Variants in BCKDHB observed in about 807,000 individuals in gnomAD.
The protein encoded by BCKDHB is branched chain keto acid dehydrogenase E1 subunit beta.
BCKDHB carries 41 observed loss-of-function variants against 48.5 expected under a neutral mutation model. The ratio of observed to expected loss-of-function variants is 0.85; its 90% CI spans 0.66 to 1.10. BCKDHB has a LOEUF of 1.10. Among genes scored for constraint, BCKDHB ranks in the 50% least tolerant of loss-of-function variants. The pLI is 0.00. For synonymous variants in BCKDHB, 201 were observed against 174.8 expected (o/e 1.15, Z -1.18); for missense variants, 496 against 494.2 (o/e 1.00, Z -0.03).
chr6:80,201,170 T>A, intron 7 of BCKDHB, 139 bp downstream of exon 7: 1 of 745,298 alleles, frequency 1.3e-6, no homozygotes, highest in South Asian at 1.5e-5. Flanking sequence ...GCTAATTTCT[T>A]TTTTCCCTCA....
At chr6:80,310,642 G>T (rs1768106911) in intron 9 of BCKDHB, among the ~76,000 whole-genome samples, 1 of 152,114 alleles carries the variant, frequency 6.6e-6, no homozygotes. Flanking sequence ...TGGGTCAAAT[G>T]GTATTTCTGT....
intron 8 of BCKDHB, among the ~76,000 whole-genome samples, chr6:80,233,734 T>C (rs1472081830): frequency 6.6e-6 from 1 of 152,220 alleles, no homozygotes; most frequent in Non-Finnish European, 1.5e-5. Flanking sequence ...TTAGACTGAG[T>C]ACTCTTTCAC....
In BCKDHB at chr6:80,218,017, C is replaced by T. The variant is rs575454487; in HGVS notation, c.951+14805C>T. ...AGACATAGTGCATGGTACTATATTTCTCTGAGGCTTGAGTCAGCGCTGTGG... is the reference window on the plus strand; with the variant it reads ...AGACATAGTGCATGGTACTATATTTTTCTGAGGCTTGAGTCAGCGCTGTGG... On this transcript the variant is annotated intron_variant, in intron 8 of 9. Transcript: ENST00000320393. Among the ~76,000 whole-genome samples, 6 of 152,284 alleles carry T rather than the reference C, an allele frequency of 3.9e-5. No individual in the cohort carries two copies. The East Asian group carries it at 5.8e-4, about 15-fold the overall frequency.
At chr6:80,322,896 C>CTTTTTTTTTTTTTTTTTTTT (rs34177726) in intron 9 of BCKDHB, among the ~76,000 whole-genome samples, 21 of 115,538 alleles carry the variant, frequency 1.8e-4, no homozygotes, top group African/African-American at 2.3e-4. Context: ...TTTCTTTTTT[C>CTTTTTTTTTTTTTTTTTTTT]TTTTTTTTTT....
chr6:80,424,982 A>G, the BCKDHB span, among the ~76,000 whole-genome samples: 1 of 152,172 alleles, frequency 6.6e-6, no homozygotes, highest in Admixed American at 6.5e-5. Context: ...GTGGTGTTTC[A>G]TGACTTATTA....
chr6:80,223,518 A>AT (rs1211898105), intron 8 of BCKDHB, among the ~76,000 whole-genome samples: 4 of 151,760 alleles, frequency 2.6e-5, no homozygotes, highest in Non-Finnish European at 4.4e-5. Context: ...GGCTCTTACT[A>AT]TTTTTTCTTT....
At chr6:80,315,034 C>G (rs1185474474) in intron 9 of BCKDHB, among the ~76,000 whole-genome samples, 2 of 152,218 alleles carry the variant, frequency 1.3e-5, no homozygotes, top group African/African-American at 4.8e-5. Context: ...CAGGCAGCCT[C>G]CACACTGTTT....
chr6:80,149,811 C>T (rs1771675192), intron 3 of BCKDHB, among the ~76,000 whole-genome samples: 2 of 129,736 alleles, frequency 1.5e-5, no homozygotes, highest in African/African-American at 6.0e-5. Flanking sequence ...GGGAACATTA[C>T]ACTCTGGGGA....
intron 6 of BCKDHB, among the ~76,000 whole-genome samples, chr6:80,191,271 C>A (rs1310702970): frequency 6.6e-6 from 1 of 152,066 alleles, no homozygotes; most frequent in Non-Finnish European, 1.5e-5. Flanking sequence ...CATGTATTCC[C>A]CGTATATCTT....
chr6:80,228,845 T>C (rs1441863436), intron 8 of BCKDHB, among the ~76,000 whole-genome samples: 5 of 152,076 alleles, frequency 3.3e-5, no homozygotes, highest in Admixed American at 1.3e-4. Context: ...TTCTCTCTGC[T>C]CGATGGGAGT....
At chr6:80,352,717 G>A in the BCKDHB span, among the ~76,000 whole-genome samples, 31,110 of 151,904 alleles carry the variant, frequency 0.2, 3,654 homozygotes, top group South Asian at 0.37. Context: ...TTTAAAATAT[G>A]TGACATATAT....
At chr6:80,339,367 C>G (rs1769774966) in intron 9 of BCKDHB, among the ~76,000 whole-genome samples, 3 of 152,100 alleles carry the variant, frequency 2.0e-5, no homozygotes, top group African/African-American at 7.2e-5. Context: ...TAAAGGTTGT[C>G]TGTCCTTCCT....
the BCKDHB span, among the ~76,000 whole-genome samples, chr6:80,390,446 G>A: frequency 2.6e-5 from 4 of 152,248 alleles, no homozygotes; most frequent in African/African-American, 9.6e-5. Context: ...AACAGGAACT[G>A]TAGTTGTCAT....
intron 9 of BCKDHB, among the ~76,000 whole-genome samples, chr6:80,325,488 TGAC>T (rs1194279674): frequency 6.6e-6 from 1 of 152,206 alleles, no homozygotes; most frequent in Admixed American, 6.5e-5. Context: ...TCCTGCAAAA[TGAC>T]ATTAGCAGTT....
chr6:80,423,203 G>T, the BCKDHB span, among the ~76,000 whole-genome samples: 1 of 152,068 alleles, frequency 6.6e-6, no homozygotes, highest in African/African-American at 2.4e-5. Context: ...TCTCTATCCT[G>T]CCACCTTGCG....
chr6:80,374,613 T>A, the BCKDHB span: 4 of 573,708 alleles, frequency 7.0e-6, no homozygotes, highest in Non-Finnish European at 9.6e-6. Context: ...AGCCATTCTA[T>A]ATCTTTTAAG....
chr6:80,142,819 A>G (rs1034831669), intron 3 of BCKDHB, among the ~76,000 whole-genome samples: 3 of 152,154 alleles, frequency 2.0e-5, no homozygotes, highest in Non-Finnish European at 2.9e-5. Context: ...GCCTGCTGCC[A>G]CTGCTATTTT....
chr6:80,356,089 A>G, the BCKDHB span: 1 of 152,190 alleles, frequency 6.6e-6, no homozygotes, highest in Non-Finnish European at 1.5e-5. Flanking sequence ...TGTTGTACTT[A>G]GAACCTTTGT....
At chr6:80,181,913 C>G (rs1773430680) in intron 6 of BCKDHB, among the ~76,000 whole-genome samples, 2 of 152,132 alleles carry the variant, frequency 1.3e-5, no homozygotes, top group Non-Finnish European at 2.9e-5. Flanking sequence ...CTGAAAAGTA[C>G]AAACAAAGAT....
Sources: gnomAD v4.1 joint callset for allele counts (sites outside exome capture counted in the v4.1 genomes callset) on GRCh38, gnomAD v4.1.1 for gene constraint, MANE v1.5 for transcripts, NCBI Gene and HGNC (gene_info 2026-07-23, HGNC 2026-07-21) for gene names.